SLC10A7: variants seen among roughly 807,000 people sequenced by gnomAD.
SLC10A7 encodes solute carrier family 10 member 7.
SLC10A7 carries 29 observed loss-of-function variants against 43.2 expected under a neutral mutation model. The observed-to-expected ratio is 0.67, with a 90% confidence interval of 0.50 to 0.92. The LOEUF (loss-of-function observed/expected upper bound fraction) is 0.92, where lower values mean the gene tolerates loss of function less well. Ranked by LOEUF, SLC10A7 falls within the 40% of genes least tolerant of loss-of-function variation. The pLI, the probability that SLC10A7 is intolerant of heterozygous loss-of-function variation, is 0.00. For synonymous variants in SLC10A7, 152 were observed against 144.8 expected (o/e 1.05, Z -0.35); for missense variants, 295 against 403.2 (o/e 0.73, Z 2.30).
At chr4:146,373,281 T>C (rs1456870961) in intron 5 of SLC10A7, among the ~76,000 whole-genome samples, 3 of 152,016 alleles carry the variant, frequency 2.0e-5, no homozygotes, top group Admixed American at 1.3e-4. Flanking sequence ...AAGATCAGCC[T>C]GGGCAACATG....
intron 5 of SLC10A7, among the ~76,000 whole-genome samples, chr4:146,414,064 G>C (rs928329253): frequency 3.9e-5 from 6 of 152,086 alleles, no homozygotes; most frequent in African/African-American, 1.4e-4. Flanking sequence ...TCAGATACTA[G>C]GGTCCTTGCT....
intron 5 of SLC10A7, among the ~76,000 whole-genome samples, chr4:146,419,455 T>C (rs1198032686): frequency 2.6e-5 from 4 of 152,238 alleles, no homozygotes; most frequent in Non-Finnish European, 5.9e-5. Context: ...CATTGATCTA[T>C]GTGTTCCTTT....
intron 4 of SLC10A7, among the ~76,000 whole-genome samples, chr4:146,460,972 A>T (rs1488682292): frequency 6.6e-6 from 1 of 152,020 alleles, no homozygotes; most frequent in African/African-American, 2.4e-5. Flanking sequence ...TTTGCTTAAC[A>T]GAATTAGAAA....
At chr4:146,436,641 T>C (rs1730238842) in intron 5 of SLC10A7, among the ~76,000 whole-genome samples, 1 of 152,032 alleles carries the variant, frequency 6.6e-6, no homozygotes, top group Admixed American at 6.5e-5. Context: ...TCAAAGGACA[T>C]GTGCACAGAG....
intron 5 of SLC10A7, among the ~76,000 whole-genome samples, chr4:146,385,292 A>G (rs1364992725): frequency 6.6e-6 from 1 of 152,160 alleles, no homozygotes; most frequent in Admixed American, 6.6e-5. Context: ...TAATTACAGA[A>G]GGTTGATATT....
intron 2 of SLC10A7, among the ~76,000 whole-genome samples, chr4:146,510,854 T>C (rs562377880): frequency 6.6e-6 from 1 of 152,354 alleles, no homozygotes; most frequent in African/African-American, 2.4e-5. Flanking sequence ...TACAAATTAA[T>C]ACTTTAAAAA....
At chr4:146,467,849 C>T (rs1733188982) in intron 4 of SLC10A7, among the ~76,000 whole-genome samples, 1 of 152,206 alleles carries the variant, frequency 6.6e-6, no homozygotes, top group African/African-American at 2.4e-5. Context: ...AGGCATGAGC[C>T]ACCGCACCTG....
intron 4 of SLC10A7, among the ~76,000 whole-genome samples, chr4:146,450,478 T>C (rs2149910282): frequency 6.6e-6 from 1 of 152,190 alleles, no homozygotes; most frequent in Non-Finnish European, 1.5e-5. Context: ...GCATTAAACA[T>C]ATAGAAATTA....
intron 5 of SLC10A7, among the ~76,000 whole-genome samples, chr4:146,338,737 T>C (rs1734060449): frequency 6.6e-6 from 1 of 151,878 alleles, no homozygotes; most frequent in African/African-American, 2.4e-5. Context: ...TACAAACCAC[T>C]TGAGTAGAAC....
At chr4:146,295,635 A>G (rs898285391) in intron 7 of SLC10A7, among the ~76,000 whole-genome samples, 5 of 152,118 alleles carry the variant, frequency 3.3e-5, no homozygotes, top group Non-Finnish European at 4.4e-5. Context: ...CCATGATCAG[A>G]TATGTCACTA....
At chr4:146,298,358 T>G (rs1730924386) in intron 7 of SLC10A7, among the ~76,000 whole-genome samples, 1 of 152,178 alleles carries the variant, frequency 6.6e-6, no homozygotes, top group African/African-American at 2.4e-5. Flanking sequence ...CAATGAAAAT[T>G]GTTCATATCT....
intron 4 of SLC10A7, 84 bp downstream of exon 4, chr4:146,503,765 C>G (rs548539427): frequency 1.5e-6 from 2 of 1,298,398 alleles, no homozygotes; most frequent in South Asian, 1.2e-5. Flanking sequence ...CAACATCAAC[C>G]CTTCATGTCC....
intron 6 of SLC10A7, among the ~76,000 whole-genome samples, chr4:146,322,795 AC>A (rs1244935387): frequency 1.3e-5 from 2 of 152,194 alleles, no homozygotes; most frequent in Non-Finnish European, 2.9e-5. Context: ...AGGAATCACC[AC>A]ACTGTCTTCC....
At chr4:146,513,635 A>C (rs10024266) in intron 2 of SLC10A7, among the ~76,000 whole-genome samples, 119,129 of 152,166 alleles carry the variant, frequency 0.78, 46,989 homozygotes, top group East Asian at 0.95. Flanking sequence ...ACAAGTCACA[A>C]CAACCAACCA....
chr4:146,451,344 A>C (rs1196175624), intron 4 of SLC10A7, among the ~76,000 whole-genome samples: 1 of 151,956 alleles, frequency 6.6e-6, no homozygotes, highest in Admixed American at 6.6e-5. Flanking sequence ...CCAAAAAAAA[A>C]CTGAAGAGGA....
rs553728504 is a variant in SLC10A7, at chr4:146,379,365, T to C, written c.436-53369A>G. ...AATTGATGAATACAACAGATTTTAT[T>C]GATGCAGATTTATCAGACGCTTCAG... is the stretch of plus-strand genomic sequence containing the variant. On this transcript the variant is annotated intron_variant, in intron 5 of 11. Transcript: ENST00000335472. Among the ~76,000 whole-genome samples, 13 of 152,314 alleles carry C rather than the reference T, an allele frequency of 8.5e-5. No homozygotes were observed. In the South Asian group the frequency reaches 1.0e-3, roughly 12 times the overall value.
At chr4:146,472,310 T>TA (rs1329866061) in intron 4 of SLC10A7, among the ~76,000 whole-genome samples, 1 of 152,126 alleles carries the variant, frequency 6.6e-6, no homozygotes, top group African/African-American at 2.4e-5. Context: ...AGAAATTAAT[T>TA]AAGAAATGGG....
chr4:146,521,593 G>C (rs1441685493), intron 1 of SLC10A7, 25 bp downstream of exon 1: 1 of 1,589,062 alleles, frequency 6.3e-7, no homozygotes. Flanking sequence ...AGCCGCGGTG[G>C]AGCCGGCAGA....
intron 10 of SLC10A7, among the ~76,000 whole-genome samples, chr4:146,274,959 A>G (rs949663192): frequency 6.6e-6 from 1 of 152,152 alleles, no homozygotes; most frequent in Non-Finnish European, 1.5e-5. Context: ...ATGCACCTAC[A>G]CAAAACCTGA....
Sources: gnomAD v4.1 joint callset for allele counts (sites outside exome capture counted in the v4.1 genomes callset) on GRCh38, gnomAD v4.1.1 for gene constraint, MANE v1.5 for transcripts, NCBI Gene and HGNC (gene_info 2026-07-23, HGNC 2026-07-21) for gene names.